The following NXPE4 variants were observed in gnomAD, a reference collection of about 807,000 sequenced individuals.
The protein encoded by NXPE4 is neurexophilin and PC-esterase domain family member 4, also known as NXPE family member 4.
NXPE4 carries 42 observed loss-of-function variants against 33.3 expected under a neutral mutation model. That is an observed-to-expected ratio of 1.26 (90% CI 0.98 to 1.63). The LOEUF (loss-of-function observed/expected upper bound fraction) is 1.63, where lower values mean the gene tolerates loss of function less well. Ranked by LOEUF, NXPE4 falls within the 40% of genes most tolerant of loss-of-function variation. NXPE4 has a pLI of 0.00. For synonymous variants in NXPE4, 253 were observed against 234.9 expected (o/e 1.08, Z -0.71); for missense variants, 709 against 647.6 (o/e 1.09, Z -1.03).
At chr11:114,658,693 C>T in the NXPE4 span, among the ~76,000 whole-genome samples, 15 of 152,090 alleles carry the variant, frequency 9.9e-5, no homozygotes, top group African/African-American at 3.1e-4. Flanking sequence ...GGCAGAAAAC[C>T]GTCCTGGGGA....
In NXPE4 at chr11:114,580,300, T is replaced by C; in HGVS notation, c.931A>G (p.Met311Val). The change falls in exon 5 of 6, where the codon ATG (methionine) becomes GTG (valine). Residue 311 changes from methionine to valine, a missense_variant. Coordinates refer to ENST00000375478, the MANE Select transcript of NXPE4 (RefSeq NM_001077639.2). ...VAMKEKCKFG[M>V]TSTIPSGHVW... ...TGCCCACTGGGGATTGTGGATGTCA[T>C]TCCAAACTTGCATTTCTCTTTCATT... 1 of 1,614,080 alleles carries C rather than the reference T, an allele frequency of 6.2e-7. No homozygotes were observed. Among genetic ancestry groups the C allele is most frequent in the Non-Finnish European group, 8.5e-7 (1 of 1,179,960 alleles).
the NXPE4 span, among the ~76,000 whole-genome samples, chr11:114,663,204 G>C: frequency 2.0e-5 from 3 of 152,198 alleles, no homozygotes; most frequent in Admixed American, 1.3e-4. Flanking sequence ...AGGTTGAAGT[G>C]CCTCTTTGGA....
the NXPE4 span, among the ~76,000 whole-genome samples, chr11:114,647,946 T>G: frequency 1.4e-4 from 21 of 152,180 alleles, no homozygotes; most frequent in Non-Finnish European, 2.9e-4. Context: ...GTGATCCACC[T>G]GCCTTGGCCT....
chr11:114,603,983 T>C, the NXPE4 span, among the ~76,000 whole-genome samples: 4 of 151,536 alleles, frequency 2.6e-5, no homozygotes, highest in Non-Finnish European at 4.4e-5. Context: ...TGGTGGATAA[T>C]AAGTATTGCC....
At chr11:114,583,788 A>G (rs1356234192) in intron 2 of NXPE4, 2 of 446,194 alleles carry the variant, frequency 4.5e-6, no homozygotes, top group East Asian at 5.4e-5. Flanking sequence ...GATATTCACC[A>G]TGATGATGGC....
At chr11:114,616,536 T>C in the NXPE4 span, among the ~76,000 whole-genome samples, 1 of 151,658 alleles carries the variant, frequency 6.6e-6, no homozygotes, top group African/African-American at 2.4e-5. Context: ...GGGTAACCAT[T>C]GTTACCCAGT....
chr11:114,669,142 C>T, the NXPE4 span, among the ~76,000 whole-genome samples: 1 of 152,074 alleles, frequency 6.6e-6, no homozygotes, highest in Admixed American at 6.6e-5. Flanking sequence ...GTGAGAAGCT[C>T]TGTGGACCCT....
the NXPE4 span, among the ~76,000 whole-genome samples, chr11:114,663,586 C>CATCTATCTATCTATCT: frequency 5.0e-4 from 67 of 132,988 alleles, no homozygotes; most frequent in Non-Finnish European, 6.5e-4. Flanking sequence ...CTCTATCTAT[C>CATCTATCTATCTATCT]ATCTATCTAT....
the NXPE4 span, among the ~76,000 whole-genome samples, chr11:114,639,287 T>TCTCCTGGTGCAC: frequency 6.6e-6 from 1 of 152,050 alleles, no homozygotes; most frequent in Non-Finnish European, 1.5e-5. Context: ...CAGGATATAA[T>TCTCCTGGTGCAC]CTCCTGGTGC....
chr11:114,627,673 T>A, the NXPE4 span, among the ~76,000 whole-genome samples: 1 of 151,782 alleles, frequency 6.6e-6, no homozygotes, highest in South Asian at 2.1e-4. Flanking sequence ...ATAACAATAT[T>A]AACTTTAAAT....
At chr11:114,673,967 A>G in the NXPE4 span, among the ~76,000 whole-genome samples, 4 of 151,846 alleles carry the variant, frequency 2.6e-5, no homozygotes, top group Non-Finnish European at 4.4e-5. Flanking sequence ...TTATCAGCTT[A>G]TCTTCACAAG....
At chr11:114,643,695 G>A in the NXPE4 span, among the ~76,000 whole-genome samples, 14,027 of 151,154 alleles carry the variant, frequency 0.093, 831 homozygotes, top group Middle Eastern at 0.2. Context: ...GTAGCATGAT[G>A]CCTCCACCTT....
At chr11:114,607,015 G>T in the NXPE4 span, among the ~76,000 whole-genome samples, 1 of 151,922 alleles carries the variant, frequency 6.6e-6, no homozygotes, top group Non-Finnish European at 1.5e-5. Flanking sequence ...ATTGCCTCTA[G>T]AGTAATCACG....
the NXPE4 span, among the ~76,000 whole-genome samples, chr11:114,619,155 T>C: frequency 1.3e-5 from 2 of 151,696 alleles, no homozygotes; most frequent in Admixed American, 1.3e-4. Context: ...CAGTGGGTAA[T>C]AAGTATTGCC....
At chr11:114,642,983 G>A in the NXPE4 span, among the ~76,000 whole-genome samples, 11 of 152,022 alleles carry the variant, frequency 7.2e-5, no homozygotes, top group African/African-American at 2.7e-4. Context: ...GTGGTTTTGT[G>A]GTTTTGATTT....
chr11:114,616,420 T>C, the NXPE4 span, among the ~76,000 whole-genome samples: 1 of 151,620 alleles, frequency 6.6e-6, no homozygotes, highest in Non-Finnish European at 1.5e-5. Context: ...TGTTACCTGG[T>C]GAATAATAAG....
the NXPE4 span, among the ~76,000 whole-genome samples, chr11:114,655,227 C>T: frequency 6.6e-6 from 1 of 152,046 alleles, no homozygotes; most frequent in Non-Finnish European, 1.5e-5. Context: ...GATATTAAAC[C>T]TTTGTCAGAT....
At chr11:114,589,750 C>T (rs1276910443) in intron 2 of NXPE4, among the ~76,000 whole-genome samples, 2 of 152,100 alleles carry the variant, frequency 1.3e-5, no homozygotes, top group African/African-American at 4.8e-5. Flanking sequence ...TCCCCTAAAG[C>T]CAGAGGGTAA....
chr11:114,582,740 G>A lies in NXPE4; in HGVS notation c.378C>T (p.His126=). ...QLHILLEVRD[H]LGRRKQYGGD... ...CGCCATATTGCTTCCTGCGTCCCAA[G>A]TGGTCCCTCACCTCCAGCAGGATGT... The change falls in exon 3 of 6, where the codon CAC becomes CAT. Residue 126 remains histidine (H), a synonymous_variant. Coordinates refer to ENST00000375478, the MANE Select transcript of NXPE4 (RefSeq NM_001077639.2). 21 of 1,614,164 alleles carry A rather than the reference G, an allele frequency of 1.3e-5. No homozygotes were observed. Among genetic ancestry groups the A allele is most frequent in the Non-Finnish European group, 1.7e-5 (20 of 1,180,014 alleles).
Sources: gnomAD v4.1 joint callset for allele counts (sites outside exome capture counted in the v4.1 genomes callset) on GRCh38, gnomAD v4.1.1 for gene constraint, MANE v1.5 for transcripts, NCBI Gene and HGNC (gene_info 2026-07-23, HGNC 2026-07-21) for gene names.